The following EEF1G variants were observed in gnomAD, a reference collection of about 807,000 sequenced individuals.
EEF1G encodes the protein elongation factor 1-gamma.
Under a neutral mutation model 58.3 loss-of-function variants are expected in EEF1G, and 14 were observed. The ratio of observed to expected loss-of-function variants is 0.24; its 90% confidence interval spans 0.16 to 0.38. The LOEUF is 0.38. Among genes scored for constraint, EEF1G ranks in the 10% least tolerant of loss-of-function variants. The probability of loss-of-function intolerance (pLI) is 1.00; values close to 1 mark genes in which losing one functional copy is unlikely to be tolerated. For synonymous variants in EEF1G, 180 were observed against 206.8 expected (o/e 0.87, Z 1.11); for missense variants, 322 against 550.1 (o/e 0.59, Z 4.15).
chr11:62,560,530 A>G, intron 7 of EEF1G, 76 bp from the exon 8 acceptor site: 8 of 1,495,868 alleles, frequency 5.3e-6, no homozygotes, highest in Non-Finnish European at 7.3e-6. Flanking sequence ...GGGTGCTTTC[A>G]CTTAAAATTT....
chr11:62,561,682 C>CAAAAAAAAAAAAA (rs58957254), intron 7 of EEF1G, among the ~76,000 whole-genome samples: 2 of 124,600 alleles, frequency 1.6e-5, no homozygotes, highest in East Asian at 2.3e-4. Flanking sequence ...AAAAAAAAAA[C>CAAAAAAAAAAAAA]AAAAAAAAAA....
In EEF1G at chr11:62,560,859, A is replaced by G. The variant is rs547612534; in HGVS notation, c.858-405T>C. ...CCATACAGGCCTCTTCAGGTTACACAAGCTGTAACAGGAATGTAAGCAGTG... is the reference window on the plus strand; with the variant it reads ...CCATACAGGCCTCTTCAGGTTACACGAGCTGTAACAGGAATGTAAGCAGTG... On this transcript the variant is annotated intron_variant, in intron 7 of 9. Coordinates refer to ENST00000329251, the MANE Select transcript of EEF1G (RefSeq NM_001404.5). Among the ~76,000 whole-genome samples the G allele has an allele frequency of 1.4e-3, 213 of 152,268 alleles. 1 individual carries two copies. Among genetic ancestry groups the G allele is most frequent in the African/African-American group, 4.9e-3 (205 of 41,548 alleles).
chr11:62,570,888 G>A (rs1941619348), intron 5 of EEF1G, 77 bp downstream of exon 5: 1 of 1,592,556 alleles, frequency 6.3e-7, no homozygotes, highest in Non-Finnish European at 8.6e-7. Flanking sequence ...GCAGAATACA[G>A]GGTAACCTAG....
chr11:62,573,766 G>A, intron 1 of EEF1G, 65 bp downstream of exon 1: 1 of 1,610,356 alleles, frequency 6.2e-7, no homozygotes, highest in South Asian at 1.1e-5. Flanking sequence ...GCGCCGACTG[G>A]CCCCACTCGG....
At chr11:62,564,533 C>T (rs1207988069) in intron 7 of EEF1G, among the ~76,000 whole-genome samples, 3 of 149,404 alleles carry the variant, frequency 2.0e-5, no homozygotes, top group East Asian at 2.0e-4. Context: ...GAGGCGGAGA[C>T]GGGCGGATCA....
Position 62,568,004 on chromosome 11 carries a change from C to A in EEF1G, c.523-476G>T, listed in dbSNP as rs145221532. On this transcript the variant is annotated intron_variant, in intron 5 of 9. Transcript: ENST00000329251. The stretch of plus-strand genomic sequence containing the variant: ...AAACTGCTGGGATCTCCGAGGCGGG[C>A]GGATCACGAGGTCAGGAGATCGAGA... 2.4e-3 allele frequency among the ~76,000 whole-genome samples: 366 copies of A among 151,012 alleles called. 4 individuals carry two copies. In the East Asian group the frequency reaches 0.045, roughly 18 times the overall value.
At chr11:62,560,666 G>C (rs1941483362) in intron 7 of EEF1G, among the ~76,000 whole-genome samples, 1 of 152,196 alleles carries the variant, frequency 6.6e-6, no homozygotes, top group Non-Finnish European at 1.5e-5. Context: ...CATGTGGAGG[G>C]TGGAACTCAA....
chr11:62,559,692 T>C lies in EEF1G; in HGVS notation c.1301A>G (p.Lys434Arg). The change falls in exon 10 of 10, where the codon AAG becomes AGG. Residue 434 changes from lysine to arginine, a missense_variant. Physicochemically the swap from Lys to Arg is conservative, Grantham distance 26. Coordinates refer to ENST00000329251, the MANE Select transcript of EEF1G (RefSeq NM_001404.5). ...GGCAAGAGATGTTCACTTGAAGATC[T>C]TGCCCTGATTGAAGGCTTTGCCCAC... is the stretch of plus-strand genomic sequence containing the variant. ...QHVGKAFNQG[K>R]IFK The C allele has an allele frequency of 6.2e-7, 1 of 1,614,000 alleles. No homozygotes were observed. The highest frequency in any genetic ancestry group is 2.2e-5 in the East Asian group (1 of 44,890).
intron 6 of EEF1G, 48 bp from the exon 7 acceptor site, chr11:62,567,058 CA>C: frequency 1.3e-6 from 2 of 1,589,924 alleles, no homozygotes; most frequent in Non-Finnish European, 1.7e-6. Context: ...TGCCTCTTTC[CA>C]CACCCCTCCA....
chr11:62,567,009 A>C lies in EEF1G; in HGVS notation c.654T>G (p.Ala218=). ...KLCEKMAQFD[A]KKFAETQPKK... Reference sequence around the variant, plus strand: ...TAGGTTGGGTCTCTGCAAACTTTTTAGCTGGTGCAGAGGAAGGCAGGAAAG... The same window carrying C: ...TAGGTTGGGTCTCTGCAAACTTTTTCGCTGGTGCAGAGGAAGGCAGGAAAG... The change falls in exon 7 of 10, where the codon GCT becomes GCG. Residue 218 remains alanine, a splice_region_variant and synonymous_variant. Transcript: ENST00000329251. 1.2e-6 allele frequency: 2 copies of C among 1,613,838 alleles called. No individual in the cohort carries two copies. Among genetic ancestry groups the C allele is most frequent in the Non-Finnish European group, 1.7e-6 (2 of 1,179,868 alleles).
At chr11:62,568,611 G>A (rs987966213) in intron 5 of EEF1G, among the ~76,000 whole-genome samples, 1 of 151,948 alleles carries the variant, frequency 6.6e-6, no homozygotes, top group Non-Finnish European at 1.5e-5. Flanking sequence ...CTCCATTTAG[G>A]AGTAGGAGTA....
At chr11:62,562,092 T>G (rs549507952) in intron 7 of EEF1G, among the ~76,000 whole-genome samples, 55 of 152,366 alleles carry the variant, frequency 3.6e-4, no homozygotes, top group African/African-American at 1.2e-3. Context: ...TAATGAAGGA[T>G]TTAGAGCCCT....
At chr11:62,572,782 G>T in intron 1 of EEF1G, 40 bp from the exon 2 acceptor site, 2 of 1,574,850 alleles carry the variant, frequency 1.3e-6, no homozygotes, top group East Asian at 2.3e-5. Flanking sequence ...TGAGTAGAAG[G>T]GTCCCAGTCC....
At position 62,559,760 on chromosome 11, in the gene EEF1G, C is replaced by G. The variant is rs748064470; in HGVS notation, c.1233G>C (p.Thr411=). 6.2e-7 allele frequency: 1 copy of G among 1,613,998 alleles called. No homozygotes were observed. The highest frequency in any genetic ancestry group is 8.5e-7 in the Non-Finnish European group (1 of 1,179,898). The change falls in exon 10 of 10, where the codon ACG becomes ACC. Residue 411 remains threonine, a synonymous_variant. Transcript: ENST00000329251. ...CCCAGGAAAAGTACTCTCGAACCAGCGTCTGGGTCTCCTCGCTGCCAGGAT... is the reference window on the plus strand; with the variant it reads ...CCCAGGAAAAGTACTCTCGAACCAGGGTCTGGGTCTCCTCGCTGCCAGGAT... ...KLDPGSEETQ[T]LVREYFSWEG...
chr11:62,572,390 A>G (rs1239529228), intron 2 of EEF1G, among the ~76,000 whole-genome samples, 194 bp downstream of exon 2: 1 of 152,246 alleles, frequency 6.6e-6, no homozygotes, highest in Admixed American at 6.5e-5. Context: ...TGAATTTTAT[A>G]AAGTCACAGA....
rs769654893 is a variant in EEF1G, at chr11:62,567,112, T to C, written c.653-102A>G. The C allele has an allele frequency of 9.1e-6, 12 of 1,312,260 alleles. No homozygotes were observed. The South Asian group carries it at 1.3e-4, about 15-fold the overall frequency. 81.3% of individuals were successfully genotyped at this position (1,312,260 alleles called of 1,614,324 possible). A position where few individuals can be genotyped will look rare whatever the true frequency, so the allele number is the denominator to read the frequency against. ...CAAGGTAACAGAGGAAACTGACGAA[T>C]GGGACAAGTAAGGAACTTAGGCCCC... On this transcript the variant is annotated intron_variant, in intron 6 of 9. Coordinates refer to ENST00000329251, the MANE Select transcript of EEF1G (RefSeq NM_001404.5).
In EEF1G at chr11:62,566,835, G is replaced by C. The variant is rs1205828797; in HGVS notation, c.828C>G (p.Ala276=). ...TGGGCAGGTGAGCGAAGGGGTCCTT[G>C]GCCTTGGGCTCAGCAGCCAGCGCCT... ...CEQALAAEPK[A]KDPFAHLPKS... is the part of the protein sequence containing the mutation. The change falls in exon 7 of 10, where the codon GCC becomes GCG. Residue 276 remains alanine (A), a synonymous_variant. Coordinates refer to ENST00000329251, the MANE Select transcript of EEF1G (RefSeq NM_001404.5). The C allele has an allele frequency of 1.2e-6, 2 of 1,613,242 alleles. No individual in the cohort carries two copies. The highest frequency in any genetic ancestry group is 1.7e-6 in the Non-Finnish European group (2 of 1,179,720).
chr11:62,569,248 G>C (rs1341864034), intron 5 of EEF1G, among the ~76,000 whole-genome samples: 1 of 152,150 alleles, frequency 6.6e-6, no homozygotes, highest in Non-Finnish European at 1.5e-5. Flanking sequence ...GAGGCGGGTG[G>C]ATCACCTGAG....
intron 6 of EEF1G, 119 bp downstream of exon 6, chr11:62,567,280 G>A: frequency 2.2e-6 from 3 of 1,342,476 alleles, no homozygotes; most frequent in Non-Finnish European, 3.0e-6. Context: ...CTACCACATT[G>A]ACACCCTACA....
Sources: allele counts gnomAD v4.1 joint callset (sites outside exome capture counted in the v4.1 genomes callset), GRCh38; gene constraint gnomAD v4.1.1; transcripts MANE v1.5; gene names NCBI Gene and HGNC (gene_info 2026-07-23, HGNC 2026-07-21).